APBB1: variants seen among roughly 807,000 people sequenced by gnomAD.
The protein encoded by APBB1 is amyloid beta precursor protein binding family B member 1, also known as adaptor protein FE65a2.
A neutral mutation model predicts 78.4 loss-of-function variants in APBB1; 22 were observed. That is an observed-to-expected ratio of 0.28 (90% CI 0.20 to 0.40). The LOEUF is 0.40. Ranked by LOEUF, APBB1 falls within the 10% of genes least tolerant of loss-of-function variation. The pLI is 1.00. For missense variants in APBB1, 749 were observed against 932.4 expected, an observed-to-expected ratio of 0.80 and a Z score of 2.56; for synonymous variants, 369 against 372.7, an observed-to-expected ratio of 0.99 and a Z score of 0.12.
chr11:6,402,524 T>A, intron 7 of APBB1, 52 bp downstream of exon 7: 1 of 1,576,888 alleles, frequency 6.3e-7, no homozygotes, highest in South Asian at 1.1e-5. Flanking sequence ...TCTCTCATAA[T>A]TCCCTTCACA....
rs1026550023 is a variant in APBB1, at chr11:6,403,522, T to A, written c.920A>T (p.His307Leu). Reference protein sequence around the residue: ...ESQLTWTGFAHGEGFEDGEFW... With the variant: ...ESQLTWTGFALGEGFEDGEFW... ...TTCTCCATCCTCAAAGCCTTCTCCA[T>A]GAGCAAAACCTGTCCAGGTGAGCTA... The change falls in exon 4 of 15, where the codon CAT becomes CTT. Residue 307 changes from histidine to leucine, a missense_variant. By Grantham distance (99) the His-to-Leu change is moderately conservative. This residue lies in a region of APBB1 where 635 missense variants were observed against 765.0 expected (regional missense o/e 0.83). Transcript: ENST00000609360. This position sits in a 1 kb window ranked among gnomAD's most constrained non-coding sequence, Gnocchi z 5.3. The A allele has an allele frequency of 3.1e-6, 5 of 1,614,110 alleles. No homozygotes were observed. The highest frequency in any genetic ancestry group is 4.2e-6 in the Non-Finnish European group (5 of 1,180,038).
intron 1 of APBB1, among the ~76,000 whole-genome samples, chr11:6,414,196 C>T (rs968449115): frequency 9.2e-5 from 14 of 152,286 alleles, no homozygotes; most frequent in African/African-American, 3.4e-4. Context: ...TGAAACATGT[C>T]GCACACTCTT....
At chr11:6,413,035 C>G (rs1053750500) in intron 1 of APBB1, among the ~76,000 whole-genome samples, 1 of 152,076 alleles carries the variant, frequency 6.6e-6, no homozygotes, top group Non-Finnish European at 1.5e-5. Flanking sequence ...TCCATCCTCC[C>G]CACTCTCCCT....
chr11:6,412,780 T>C (rs748612136), intron 1 of APBB1, among the ~76,000 whole-genome samples: 1 of 152,160 alleles, frequency 6.6e-6, no homozygotes, highest in African/African-American at 2.4e-5. Context: ...TCCTCCAGGC[T>C]TCGCTTTGGC....
intron 12 of APBB1, among the ~76,000 whole-genome samples, chr11:6,399,677 A>G (rs1848401172): frequency 1.3e-5 from 2 of 152,220 alleles, no homozygotes; most frequent in Non-Finnish European, 2.9e-5. Context: ...TGAGCTTTCA[A>G]AATTCAAATC....
chr11:6,411,012 G>T lies in APBB1; in HGVS notation c.336C>A (p.Gly112=). The change falls in exon 2 of 15, where the codon GGC becomes GGA. Residue 112 remains glycine, a synonymous_variant. Transcript: ENST00000609360. The surrounding 1 kb of genome is among the most constrained non-coding windows in gnomAD (Gnocchi z 5.2). ...EPEMAPLGPK[G]LIHLYSELEL... ...CCAGCTCAGAGTACAGGTGTATCAG[G>T]CCTTTGGGGCCCAAGGGTGCCATCT... 6.2e-6 allele frequency: 10 copies of T among 1,614,140 alleles called. No individual in the cohort carries two copies. The highest frequency in any genetic ancestry group is 5.1e-6 in the Non-Finnish European group (6 of 1,180,038).
At position 6,395,518 on chromosome 11, in the gene APBB1, G is replaced by A; in HGVS notation, c.*16C>T. 2 of 1,530,264 alleles carry A rather than the reference G, an allele frequency of 1.3e-6. 1 individual carries two copies. The highest frequency in any genetic ancestry group is 2.6e-5 in the South Asian group (2 of 78,006). The allele number at this position is 1,530,264 out of a possible 1,614,324, so 94.8% of individuals were successfully genotyped here. On this transcript the variant is annotated 3_prime_UTR_variant, in exon 15 of 15. Transcript: ENST00000609360. The surrounding 1 kb of genome is among the most constrained non-coding windows in gnomAD (Gnocchi z 5.2). Reference sequence around the variant, plus strand: ...GGGGCCCAACACAAGCAGGTGGAGGGAAGGTGGGGGCTTCTTCATGGGGTA... The same window carrying A: ...GGGGCCCAACACAAGCAGGTGGAGGAAAGGTGGGGGCTTCTTCATGGGGTA...
intron 12 of APBB1, among the ~76,000 whole-genome samples, chr11:6,399,008 G>C (rs1307344996): frequency 6.6e-6 from 1 of 152,086 alleles, no homozygotes; most frequent in East Asian, 1.9e-4. Flanking sequence ...TGTGTCTTTT[G>C]ACATGATACC....
Position 6,403,256 on chromosome 11 carries a change from T to C in APBB1, c.1041-48A>G. On this transcript the variant is annotated intron_variant, in intron 5 of 14. Coordinates refer to ENST00000609360, the MANE Select transcript of APBB1 (RefSeq NM_001164.5). The surrounding 1 kb of genome is among the most constrained non-coding windows in gnomAD (Gnocchi z 5.3). ...GGCACAGGGCTCCCATAAATGGAGCTGTCCCAAGGCCCCTTCCAGACAGAT... is the reference window on the plus strand; with the variant it reads ...GGCACAGGGCTCCCATAAATGGAGCCGTCCCAAGGCCCCTTCCAGACAGAT... 2 of 1,610,420 alleles carry C rather than the reference T, an allele frequency of 1.2e-6. No individual in the cohort carries two copies. The highest frequency in any genetic ancestry group is 8.5e-7 in the Non-Finnish European group (1 of 1,177,926).
Position 6,402,634 on chromosome 11 carries a change from C to T in APBB1, c.1196G>A (p.Arg399His), listed in dbSNP as rs370357442. Reference sequence around the variant, plus strand: ...GTTGTTTTTGTGGTAAGAGAGCTGACGGATGCAATTGTTGACTGCCACACT... The same window carrying T: ...GTTGTTTTTGTGGTAAGAGAGCTGATGGATGCAATTGTTGACTGCCACACT... The part of the protein sequence containing the change: ...RSSVAVNNCI[R>H]QLSYHKNNLH... The change falls in exon 7 of 15, where the codon CGT becomes CAT. Residue 399 changes from arginine to histidine, a missense_variant. This residue lies in a region of APBB1 where 635 missense variants were observed against 765.0 expected (regional missense o/e 0.83). Coordinates refer to ENST00000609360, the MANE Select transcript of APBB1 (RefSeq NM_001164.5). 2.2e-5 allele frequency: 35 copies of T among 1,613,972 alleles called. No individual in the cohort carries two copies. The highest frequency in any genetic ancestry group is 3.3e-5 in the South Asian group (3 of 91,090).
At chr11:6,402,520 A>G in intron 7 of APBB1, 56 bp downstream of exon 7, 3 of 1,571,364 alleles carry the variant, frequency 1.9e-6, no homozygotes, top group East Asian at 4.5e-5. Flanking sequence ...CCCATCTCTC[A>G]TAATTCCCTT....
chr11:6,412,309 C>T (rs561059231), intron 1 of APBB1, among the ~76,000 whole-genome samples: 16 of 152,252 alleles, frequency 1.1e-4, no homozygotes, highest in South Asian at 6.2e-4. Context: ...CCCACCACCA[C>T]GCCCAGGTAA....
At chr11:6,398,227 T>C (rs180916055) in intron 12 of APBB1, among the ~76,000 whole-genome samples, 1 of 152,298 alleles carries the variant, frequency 6.6e-6, no homozygotes, top group Admixed American at 6.5e-5. Context: ...CTCTTCTTTT[T>C]TTTTTGTATC....
At chr11:6,410,344 G>A (rs183416529) in intron 2 of APBB1, among the ~76,000 whole-genome samples, 1 of 152,320 alleles carries the variant, frequency 6.6e-6, no homozygotes, top group Admixed American at 6.5e-5. Context: ...GCCTGAAAAT[G>A]CTGAGCAGAG....
rs1404480342 is a variant in APBB1 at position 6,403,251 on chromosome 11, G to A, written c.1041-43C>T. 1 of 1,610,512 alleles carries A rather than the reference G, an allele frequency of 6.2e-7. No homozygotes were observed. The highest frequency in any genetic ancestry group is 8.5e-7 in the Non-Finnish European group (1 of 1,178,058). On this transcript the variant is annotated intron_variant, in intron 5 of 14. Coordinates refer to ENST00000609360, the MANE Select transcript of APBB1 (RefSeq NM_001164.5). The surrounding 1 kb of genome is among the most constrained non-coding windows in gnomAD (Gnocchi z 5.3). ...TACTTGGCACAGGGCTCCCATAAAT[G>A]GAGCTGTCCCAAGGCCCCTTCCAGA...
At chr11:6,412,181 T>C (rs537025828) in intron 1 of APBB1, among the ~76,000 whole-genome samples, 8 of 152,326 alleles carry the variant, frequency 5.3e-5, no homozygotes, top group African/African-American at 1.7e-4. Flanking sequence ...AGACAGAATC[T>C]TGCTCTTGTT....
rs1303242869 is a variant in APBB1, at chr11:6,401,182, C to T, written c.1589-110G>A. 1.2e-5 allele frequency: 20 copies of T among 1,611,892 alleles called. No homozygotes were observed. The highest frequency in any genetic ancestry group is 3.3e-5 in the Admixed American group (2 of 59,830). On this transcript the variant is annotated intron_variant, in intron 11 of 14. Transcript: ENST00000609360. This position sits in a 1 kb window ranked among gnomAD's most constrained non-coding sequence, Gnocchi z 4.5. ...CCCAGCCGAGGCCCTACTTTCATCT[C>T]GTCCCCTGCCTCCCTTTAACCGGAG...
At chr11:6,404,491 C>G (rs1167492110) in intron 2 of APBB1, 1 of 1,284,560 alleles carries the variant, frequency 7.8e-7, no homozygotes, top group Admixed American at 2.1e-5. Flanking sequence ...GACCCACACT[C>G]AGACACACGG....
chr11:6,405,168 C>A, intron 2 of APBB1: 1 of 1,168,148 alleles, frequency 8.6e-7, no homozygotes, highest in Non-Finnish European at 1.1e-6. Context: ...TTAGGGATAC[C>A]AGGAGACTCA....
Sources: allele counts gnomAD v4.1 joint callset (sites outside exome capture counted in the v4.1 genomes callset), GRCh38; gene constraint gnomAD v4.1.1; regional missense constraint gnomAD v4.1.1; non-coding constraint Gnocchi (gnomAD v3.1); transcripts MANE v1.5; gene names NCBI Gene and HGNC (gene_info 2026-07-23, HGNC 2026-07-21).